Variants in SGMS2 observed in about 807,000 individuals in gnomAD.
SGMS2 encodes the protein sphingomyelin synthase 2.
SGMS2 carries 21 observed loss-of-function variants against 43.8 expected under a neutral mutation model. The ratio of observed to expected loss-of-function variants is 0.48; its 90% CI spans 0.34 to 0.69. The LOEUF (loss-of-function observed/expected upper bound fraction) is 0.69. SGMS2 is among the 30% of genes least tolerant of loss of function. The pLI is 0.01. For synonymous variants in SGMS2, 167 were observed against 160.6 expected, an observed-to-expected ratio of 1.04 and a Z score of -0.30; for missense variants, 384 against 443.2, an observed-to-expected ratio of 0.87 and a Z score of 1.20.
At chr4:107,903,409 T>C (rs1731288112) in intron 5 of SGMS2, 23 bp downstream of exon 5, 1 of 1,612,134 alleles carries the variant, frequency 6.2e-7, no homozygotes, top group Non-Finnish European at 8.5e-7. Context: ...CCATTCCCAC[T>C]GAACTGATAG....
intron 5 of SGMS2, among the ~76,000 whole-genome samples, chr4:107,904,093 A>G (rs904684872): frequency 6.6e-6 from 1 of 152,146 alleles, no homozygotes; most frequent in Non-Finnish European, 1.5e-5. Context: ...GTACTGTTTT[A>G]GCTGCCCAGT....
At chr4:107,883,911 A>G (rs1460912691) in intron 2 of SGMS2, among the ~76,000 whole-genome samples, 1 of 152,194 alleles carries the variant, frequency 6.6e-6, no homozygotes, top group Non-Finnish European at 1.5e-5. Context: ...AACCAGTCCT[A>G]CCATGATTTG....
chr4:107,826,016 T>C (rs1324099660), intron 1 of SGMS2, among the ~76,000 whole-genome samples: 1 of 152,214 alleles, frequency 6.6e-6, no homozygotes, highest in Admixed American at 6.5e-5. Flanking sequence ...TTTCAATCTG[T>C]ACCTAACTTT....
chr4:107,888,307 A>G (rs974681578), intron 2 of SGMS2, among the ~76,000 whole-genome samples: 14 of 152,294 alleles, frequency 9.2e-5, no homozygotes, highest in African/African-American at 3.4e-4. Flanking sequence ...ACATACAAAG[A>G]GATACATGGA....
Position 107,911,268 on chromosome 4 carries a change from A to G in SGMS2, c.*715A>G, listed in dbSNP as rs972695674. ...ATGTGTGTAAATGTTTCACTTTAAAATCTCTATGACAGATACACAGGAAAC... is the reference window on the plus strand; with the variant it reads ...ATGTGTGTAAATGTTTCACTTTAAAGTCTCTATGACAGATACACAGGAAAC... On this transcript the variant is annotated 3_prime_UTR_variant, in exon 7 of 7. Transcript: ENST00000690982. 6.6e-6 allele frequency: 1 copy of G among 152,208 alleles called. No homozygotes were observed. The highest frequency in any genetic ancestry group is 1.5e-5 in the Non-Finnish European group (1 of 68,056). 9.4% of individuals were successfully genotyped at this position (152,208 alleles called of 1,614,324 possible). A position where few individuals can be genotyped will look rare whatever the true frequency, so the allele number is the denominator to read the frequency against.
At chr4:107,875,097 T>G (rs543706847) in intron 2 of SGMS2, among the ~76,000 whole-genome samples, 14 of 152,194 alleles carry the variant, frequency 9.2e-5, no homozygotes, top group Non-Finnish European at 1.8e-4. Flanking sequence ...GTTTACCTTT[T>G]TACAGTTTCA....
At chr4:107,861,555 G>T (rs1727732008) in intron 2 of SGMS2, among the ~76,000 whole-genome samples, 2 of 152,146 alleles carry the variant, frequency 1.3e-5, no homozygotes, top group Admixed American at 6.5e-5. Context: ...ACTAGTAATT[G>T]CAGCCTACAG....
intron 1 of SGMS2, among the ~76,000 whole-genome samples, chr4:107,840,720 A>G (rs77668632): frequency 0.04 from 6,167 of 152,286 alleles, 428 homozygotes; most frequent in African/African-American, 0.14. Flanking sequence ...AATTTTTATA[A>G]TTTAATGAAA....
At chr4:107,896,302 G>A (rs890336961) in intron 3 of SGMS2, among the ~76,000 whole-genome samples, 6 of 152,100 alleles carry the variant, frequency 3.9e-5, no homozygotes, top group South Asian at 2.1e-4. Context: ...TGGTGCTATG[G>A]TATTTGTATG....
At chr4:107,910,317 T>G in intron 6 of SGMS2, 33 bp from the exon 7 acceptor site, 3 of 1,532,214 alleles carry the variant, frequency 2.0e-6, no homozygotes, top group Non-Finnish European at 2.7e-6. Context: ...GAGAAAGATA[T>G]GTCTCATTTA....
rs181325700 is a variant in SGMS2 at position 107,909,264 on chromosome 4, C to T, written c.894+533C>T. Among the ~76,000 whole-genome samples the T allele has an allele frequency of 1.5e-4, 23 of 152,078 alleles. No individual in the cohort carries two copies. In the East Asian group the frequency reaches 4.3e-3, roughly 28 times the overall value. On this transcript the variant is annotated intron_variant, in intron 6 of 6. Coordinates refer to ENST00000690982, the MANE Select transcript of SGMS2 (RefSeq NM_001375905.1). ...GGGATTACAGGTGCACGACACCACG[C>T]CTGGCTAATTTTTATTTTGTATTTT...
intron 1 of SGMS2, among the ~76,000 whole-genome samples, chr4:107,856,677 G>A (rs907736300): frequency 1.3e-5 from 2 of 152,152 alleles, no homozygotes; most frequent in African/African-American, 4.8e-5. Context: ...TCTTTCCAGA[G>A]GGGTAAACAT....
chr4:107,909,510 T>G lies in SGMS2; in HGVS notation c.894+779T>G, dbSNP rs144258584. Reference sequence around the variant, plus strand: ...TAATGGTGCTCTCTGGCTTCCCTTCTGATTCTTCCTCATTTGCTACTGCTG... The same window carrying G: ...TAATGGTGCTCTCTGGCTTCCCTTCGGATTCTTCCTCATTTGCTACTGCTG... On this transcript the variant is annotated intron_variant, in intron 6 of 6. Transcript: ENST00000690982. 5.1e-4 allele frequency among the ~76,000 whole-genome samples: 78 copies of G among 152,354 alleles called. 1 individual carries two copies. The highest frequency in any genetic ancestry group is 3.9e-3 in the East Asian group (20 of 5,184).
At chr4:107,874,932 G>A (rs57386270) in intron 2 of SGMS2, among the ~76,000 whole-genome samples, 42,549 of 151,934 alleles carry the variant, frequency 0.28, 6,580 homozygotes, top group Non-Finnish European at 0.35. Context: ...TCATTATTAG[G>A]TTATTTGCAG....
intron 1 of SGMS2, among the ~76,000 whole-genome samples, chr4:107,825,915 C>A (rs1337131707): frequency 1.3e-5 from 2 of 152,058 alleles, no homozygotes; most frequent in Non-Finnish European, 2.9e-5. Flanking sequence ...TCAAGTCTTG[C>A]CTGCTCTGAA....
At chr4:107,888,044 A>T (rs1729893129) in intron 2 of SGMS2, among the ~76,000 whole-genome samples, 1 of 152,156 alleles carries the variant, frequency 6.6e-6, no homozygotes, top group Non-Finnish European at 1.5e-5. Context: ...AACTGAACTT[A>T]TCTCTCAAAA....
At chr4:107,843,055 G>T (rs1440598245) in intron 1 of SGMS2, among the ~76,000 whole-genome samples, 1 of 151,972 alleles carries the variant, frequency 6.6e-6, no homozygotes, top group East Asian at 1.9e-4. Flanking sequence ...GCCCTATTTT[G>T]CCATCATCAC....
At chr4:107,909,852 T>A (rs925133440) in intron 6 of SGMS2, among the ~76,000 whole-genome samples, 1 of 152,236 alleles carries the variant, frequency 6.6e-6, no homozygotes, top group African/African-American at 2.4e-5. Flanking sequence ...TAATAAATGC[T>A]CTTTCTTTGG....
rs374334962 is a variant in SGMS2, at chr4:107,891,871, C to G, written c.-244-3439C>G. On this transcript the variant is annotated intron_variant, in intron 2 of 6. Coordinates refer to ENST00000690982, the MANE Select transcript of SGMS2 (RefSeq NM_001375905.1). ...ATGGTGACAAAAAGGAAGATGGAGCCTACACGTTGAACATACCTGGCCCCC... is the reference window on the plus strand; with the variant it reads ...ATGGTGACAAAAAGGAAGATGGAGCGTACACGTTGAACATACCTGGCCCCC... Among the ~76,000 whole-genome samples the G allele has an allele frequency of 3.7e-4, 57 of 152,200 alleles. 1 individual carries two copies. The highest frequency in any genetic ancestry group is 1.2e-3 in the African/African-American group (51 of 41,554).
Sources: allele counts gnomAD v4.1 joint callset (sites outside exome capture counted in the v4.1 genomes callset), GRCh38; gene constraint gnomAD v4.1.1; transcripts MANE v1.5; gene names NCBI Gene and HGNC (gene_info 2026-07-23, HGNC 2026-07-21).